FLNB: variants seen among roughly 807,000 people sequenced by gnomAD.
FLNB encodes the protein filamin-B.
In FLNB, 111 loss-of-function variants were observed where a neutral mutation model predicts 250.6. The observed-to-expected ratio is 0.44, with a 90% CI of 0.38 to 0.52. The LOEUF is 0.52. Ranked by LOEUF, FLNB falls within the 20% of genes least tolerant of loss-of-function variation. The pLI is 0.00. For synonymous variants in FLNB, 1,302 were observed against 1,372.1 expected (o/e 0.95, Z 1.13); for missense variants, 2,869 against 3,447.8 (o/e 0.83, Z 4.20).
chr3:58,131,006 G>GCAAA, intron 25 of FLNB, 98 bp downstream of exon 25: 1 of 1,173,958 alleles, frequency 8.5e-7, no homozygotes, highest in Non-Finnish European at 1.2e-6. Flanking sequence ...TTGCTCATGA[G>GCAAA]CTTAAAATTA....
Position 58,095,229 on chromosome 3 carries a change from G to GTATTTATTTATTTATTTATT in FLNB, c.906+284_906+303dup, listed in dbSNP as rs1553694995. On this transcript the variant is annotated intron_variant, in intron 5 of 45. Coordinates refer to ENST00000295956, the MANE Select transcript of FLNB (RefSeq NM_001457.4). ...GCCTTGTCAGTTGAGGTTTATGTAT[G>GTATTTATTTATTTATTTATT]TATTTATTTATTTATTTATTTATTT... Among the ~76,000 whole-genome samples, 9,687 of 147,716 alleles carry GTATTTATTTATTTATTTATT rather than the reference G, an allele frequency of 0.066. 513 individuals are homozygous for GTATTTATTTATTTATTTATT. Among genetic ancestry groups the GTATTTATTTATTTATTTATT allele is most frequent in the East Asian group, 0.28 (1,375 of 4,888 alleles).
At chr3:58,070,366 A>T (rs1201963884) in intron 1 of FLNB, among the ~76,000 whole-genome samples, 1 of 151,948 alleles carries the variant, frequency 6.6e-6, no homozygotes, top group Admixed American at 6.6e-5. Context: ...TCTCTAACCT[A>T]CCTACTCCTT....
chr3:58,150,004 T>TATGTGC lies in FLNB; in HGVS notation c.6244+5_6244+10dup. The TATGTGC allele has an allele frequency of 6.2e-7, 1 of 1,614,276 alleles. No individual in the cohort carries two copies. The highest frequency in any genetic ancestry group is 1.1e-5 in the South Asian group (1 of 91,086). On this transcript the variant is annotated splice_region_variant and intron_variant, in intron 37 of 45. Coordinates refer to ENST00000295956, the MANE Select transcript of FLNB (RefSeq NM_001457.4). ...AATTCGCTGACGAGCACGTGCCTGG[T>TATGTGC]ATGTGCATTCCATTCCCCTCCAGGT...
intron 1 of FLNB, among the ~76,000 whole-genome samples, chr3:58,013,751 G>A (rs55921464): frequency 0.024 from 3,725 of 152,322 alleles, 159 homozygotes; most frequent in African/African-American, 0.086. Flanking sequence ...TTGAATCCAA[G>A]GGCAGAGGCT....
chr3:58,036,579 T>C (rs185452940), intron 1 of FLNB, among the ~76,000 whole-genome samples: 2 of 152,326 alleles, frequency 1.3e-5, no homozygotes, highest in East Asian at 3.9e-4. Flanking sequence ...CAAGCACTGA[T>C]GTTAAGTTTT....
chr3:58,090,852 G>T (rs2097225804), intron 4 of FLNB, among the ~76,000 whole-genome samples: 1 of 152,112 alleles, frequency 6.6e-6, no homozygotes, highest in Non-Finnish European at 1.5e-5. Flanking sequence ...TGGGCGATGG[G>T]CGGATCATGA....
intron 25 of FLNB, 88 bp from the exon 26 acceptor site, chr3:58,132,720 G>A (rs202226699): frequency 6.4e-5 from 99 of 1,545,884 alleles, no homozygotes; most frequent in Non-Finnish European, 7.8e-5. Flanking sequence ...AGCTCTTGGG[G>A]ATGGATGTGG....
chr3:58,098,880 G>A lies in FLNB; in HGVS notation c.1317G>A (p.Lys439=). The change falls in exon 8 of 46, where the codon AAG becomes AAA. Residue 439 remains lysine (K), a synonymous_variant. Coordinates refer to ENST00000295956, the MANE Select transcript of FLNB (RefSeq NM_001457.4). ...KIFFAGDTIP[K]SPFVVQVGEA... is the part of the protein sequence containing the mutation. The stretch of plus-strand genomic sequence containing the variant: ...TCTTTGCTGGGGACACTATTCCTAA[G>A]AGTCCCTTCGTTGTGCAGGTTGGGG... 1 of 1,614,110 alleles carries A rather than the reference G, an allele frequency of 6.2e-7. No individual in the cohort carries two copies. The highest frequency in any genetic ancestry group is 8.5e-7 in the Non-Finnish European group (1 of 1,180,022).
At chr3:58,131,133 AT>A (rs1337187938) in intron 25 of FLNB, among the ~76,000 whole-genome samples, 1 of 152,044 alleles carries the variant, frequency 6.6e-6, no homozygotes, top group African/African-American at 2.4e-5. Flanking sequence ...ATGGCTATCA[AT>A]TTCTTAGAGG....
Position 58,078,538 on chromosome 3 carries a change from C to T in FLNB, c.542-179C>T, listed in dbSNP as rs542505666. On this transcript the variant is annotated intron_variant, in intron 2 of 45. Coordinates refer to ENST00000295956, the MANE Select transcript of FLNB (RefSeq NM_001457.4). ...AGTCTCAGTAATGGAGGATAGTTTACACCCTGGCACACTCATACCTGTGAT... is the reference window on the plus strand; with the variant it reads ...AGTCTCAGTAATGGAGGATAGTTTATACCCTGGCACACTCATACCTGTGAT... 9.8e-6 allele frequency: 15 copies of T among 1,535,820 alleles called. No homozygotes were observed. The South Asian group carries it at 1.3e-4, about 13-fold the overall frequency.
chr3:58,081,825 T>C, intron 4 of FLNB, 49 bp downstream of exon 4: 1 of 1,600,952 alleles, frequency 6.2e-7, no homozygotes, highest in Non-Finnish European at 8.6e-7. Flanking sequence ...CCTCTGGTGT[T>C]GGAGATGATT....
At chr3:58,167,631 T>A (rs993493119) in intron 43 of FLNB, among the ~76,000 whole-genome samples, 13 of 152,244 alleles carry the variant, frequency 8.5e-5, no homozygotes, top group African/African-American at 3.1e-4. Flanking sequence ...AGTTAGGGGA[T>A]CTGAGGCAGC....
intron 1 of FLNB, among the ~76,000 whole-genome samples, chr3:58,026,132 A>G (rs1283345800): frequency 6.6e-6 from 1 of 152,180 alleles, no homozygotes; most frequent in East Asian, 1.9e-4. Flanking sequence ...CGTTAATGCC[A>G]TGGGCTACCG....
chr3:58,116,076 G>T (rs754183305), intron 18 of FLNB, among the ~76,000 whole-genome samples: 3 of 152,014 alleles, frequency 2.0e-5, no homozygotes, highest in Non-Finnish European at 4.4e-5. Context: ...ATGACATGGC[G>T]CCTGGATTCA....
intron 1 of FLNB, among the ~76,000 whole-genome samples, chr3:58,036,489 G>C (rs2097138316): frequency 6.6e-6 from 1 of 151,586 alleles, no homozygotes. Flanking sequence ...TCCTGGGTGG[G>C]ATGGCAGAAC....
chr3:58,136,746 CTTTTTTTT>C (rs57053256), intron 28 of FLNB, among the ~76,000 whole-genome samples: 2 of 79,798 alleles, frequency 2.5e-5, no homozygotes, highest in African/African-American at 5.5e-5. Flanking sequence ...ACAGGCCATT[CTTTTTTTT>C]TTTTTTTTTT....
intron 32 of FLNB, among the ~76,000 whole-genome samples, chr3:58,144,625 G>A (rs28661899): frequency 1.3e-5 from 2 of 152,198 alleles, no homozygotes; most frequent in Admixed American, 1.3e-4. Context: ...GTTACCAGAG[G>A]AGGCAATGCT....
rs745949395 is a variant in FLNB, at chr3:58,146,781, C to T, written c.5555-39C>T. Reference sequence around the variant, plus strand: ...AGGAAACTCTTAAAACAAGGCAACTCTCTCCCTAACACCCCTGCATCCCTG... The same window carrying T: ...AGGAAACTCTTAAAACAAGGCAACTTTCTCCCTAACACCCCTGCATCCCTG... On this transcript the variant is annotated intron_variant, in intron 33 of 45. Coordinates refer to ENST00000295956, the MANE Select transcript of FLNB (RefSeq NM_001457.4). The T allele has an allele frequency of 5.6e-6, 9 of 1,610,842 alleles. No homozygotes were observed. The South Asian group carries it at 8.8e-5, about 16-fold the overall frequency.
chr3:58,050,703 C>T (rs2097161004), intron 1 of FLNB, among the ~76,000 whole-genome samples: 2 of 152,142 alleles, frequency 1.3e-5, no homozygotes, highest in South Asian at 4.1e-4. Context: ...CATTCAATGT[C>T]AGATTAGAAT....
Sources: gnomAD v4.1 joint callset for allele counts (sites outside exome capture counted in the v4.1 genomes callset) on GRCh38, gnomAD v4.1.1 for gene constraint, MANE v1.5 for transcripts, NCBI Gene and HGNC (gene_info 2026-07-23, HGNC 2026-07-21) for gene names.